The following NYAP2 variants were observed in gnomAD, a reference collection of about 807,000 sequenced individuals.
NYAP2 encodes neuronal tyrosine-phosphorylated phosphoinositide-3-kinase adaptor 2.
Under a neutral mutation model 50.4 loss-of-function variants are expected in NYAP2, and 23 were observed. That is an observed-to-expected ratio of 0.46 (90% CI 0.33 to 0.65). The LOEUF is 0.65. Among genes scored for constraint, NYAP2 ranks in the 30% least tolerant of loss-of-function variants. NYAP2 has a pLI of 0.02. For missense variants in NYAP2, 885 were observed against 861.0 expected (o/e 1.03, Z -0.35); for synonymous variants, 394 against 365.2 (o/e 1.08, Z -0.90).
chr2:225,541,105 G>A (rs1691462007), intron 4 of NYAP2, among the ~76,000 whole-genome samples: 1 of 152,066 alleles, frequency 6.6e-6, no homozygotes, highest in South Asian at 2.1e-4. Flanking sequence ...ATAAATATCT[G>A]TTCAGATAGT....
intron 3 of NYAP2, among the ~76,000 whole-genome samples, chr2:225,510,703 C>T (rs1690795152): frequency 6.6e-6 from 1 of 152,046 alleles, no homozygotes; most frequent in Admixed American, 6.6e-5. Context: ...ACAGCCTGGT[C>T]AAACTAAACT....
chr2:225,605,753 C>G (rs1358616410), intron 5 of NYAP2, among the ~76,000 whole-genome samples: 3 of 151,932 alleles, frequency 2.0e-5, no homozygotes, highest in Non-Finnish European at 4.4e-5. Context: ...TGTTTTCTCC[C>G]AAATAATTCT....
intron 5 of NYAP2, among the ~76,000 whole-genome samples, chr2:225,616,029 GTGA>G (rs1317302596): frequency 6.6e-6 from 1 of 152,192 alleles, no homozygotes; most frequent in African/African-American, 2.4e-5. Flanking sequence ...GGCAAGTTGT[GTGA>G]AGGCTCTGTG....
At chr2:225,688,857 C>T in the NYAP2 span, among the ~76,000 whole-genome samples, 1 of 152,186 alleles carries the variant, frequency 6.6e-6, no homozygotes, top group Non-Finnish European at 1.5e-5. Context: ...ATTCTCCTGC[C>T]TCAGCCTCCC....
chr2:225,398,801 A>G (rs979910851), upstream of NYAP2, among the ~76,000 whole-genome samples: 1 of 152,094 alleles, frequency 6.6e-6, no homozygotes, highest in Non-Finnish European at 1.5e-5. Flanking sequence ...AGCTAGATAC[A>G]CAAAGACCAA....
intron 3 of NYAP2, among the ~76,000 whole-genome samples, chr2:225,433,703 G>T (rs1321635738): frequency 6.6e-6 from 1 of 151,462 alleles, no homozygotes; most frequent in Admixed American, 6.6e-5. Flanking sequence ...TGTAGTCCCA[G>T]CTACTCAGGA....
At chr2:225,575,576 A>G (rs1692156555) in intron 4 of NYAP2, among the ~76,000 whole-genome samples, 1 of 152,030 alleles carries the variant, frequency 6.6e-6, no homozygotes, top group Non-Finnish European at 1.5e-5. Context: ...TATTGATTCC[A>G]TTTCTTGGTT....
intron 3 of NYAP2, among the ~76,000 whole-genome samples, chr2:225,509,718 G>A (rs1690776023): frequency 6.6e-6 from 1 of 151,728 alleles, no homozygotes; most frequent in African/African-American, 2.4e-5. Flanking sequence ...ACTCTGTAGA[G>A]TCCAGAGTTA....
At chr2:225,476,074 A>G (rs1178998295) in intron 3 of NYAP2, among the ~76,000 whole-genome samples, 1 of 152,220 alleles carries the variant, frequency 6.6e-6, no homozygotes, top group African/African-American at 2.4e-5. Context: ...GTCTAAATGA[A>G]CTGACAAAAA....
At chr2:225,564,761 T>G (rs1465970331) in intron 4 of NYAP2, among the ~76,000 whole-genome samples, 3 of 152,174 alleles carry the variant, frequency 2.0e-5, no homozygotes, top group African/African-American at 7.2e-5. Context: ...TTCTCTATTT[T>G]TTTAACAATC....
intron 5 of NYAP2, among the ~76,000 whole-genome samples, chr2:225,611,049 T>C (rs2106247206): frequency 6.6e-6 from 1 of 152,322 alleles, no homozygotes; most frequent in South Asian, 2.1e-4. Flanking sequence ...TTCAGCAAGC[T>C]GGTTGAGTTT....
At chr2:225,661,992 G>A in the NYAP2 span, among the ~76,000 whole-genome samples, 7 of 152,124 alleles carry the variant, frequency 4.6e-5, no homozygotes, top group South Asian at 2.1e-4. Flanking sequence ...CCAAAGTGCT[G>A]GAATTACAGG....
chr2:225,426,761 C>A (rs1339113784), intron 3 of NYAP2, among the ~76,000 whole-genome samples: 1 of 152,134 alleles, frequency 6.6e-6, no homozygotes, highest in African/African-American at 2.4e-5. Flanking sequence ...TTCTGCCTGA[C>A]TATGAGTGAT....
intron 4 of NYAP2, among the ~76,000 whole-genome samples, chr2:225,517,746 T>A (rs1690961635): frequency 6.6e-6 from 1 of 152,102 alleles, no homozygotes; most frequent in Non-Finnish European, 1.5e-5. Flanking sequence ...GCACATATAT[T>A]AAAAACAAAG....
intron 3 of NYAP2, among the ~76,000 whole-genome samples, chr2:225,409,792 C>A (rs1695003834): frequency 6.6e-6 from 1 of 151,992 alleles, no homozygotes; most frequent in Non-Finnish European, 1.5e-5. Flanking sequence ...AAGAATGTTA[C>A]AATGTTTTCA....
At chr2:225,446,246 C>CTCTCTCTCTCTA (rs1239402824) in intron 3 of NYAP2, among the ~76,000 whole-genome samples, 5 of 82,270 alleles carry the variant, frequency 6.1e-5, no homozygotes, top group East Asian at 7.3e-4. Context: ...CTCTCTCTCT[C>CTCTCTCTCTCTA]TATATATATA....
At chr2:225,456,106 T>G (rs1689734318) in intron 3 of NYAP2, among the ~76,000 whole-genome samples, 1 of 152,222 alleles carries the variant, frequency 6.6e-6, no homozygotes, top group African/African-American at 2.4e-5. Context: ...AGTTCTCAGA[T>G]GAAAGACATT....
chr2:225,411,971 A>G (rs1025904286), intron 3 of NYAP2, among the ~76,000 whole-genome samples: 10 of 149,564 alleles, frequency 6.7e-5, no homozygotes, highest in African/African-American at 2.2e-4. Flanking sequence ...TTCTAAATAA[A>G]TAATTTACAA....
the NYAP2 span, among the ~76,000 whole-genome samples, chr2:225,689,298 G>T: frequency 1.3e-5 from 2 of 152,070 alleles, no homozygotes; most frequent in African/African-American, 4.8e-5. Context: ...TTATAATCAC[G>T]TAACTGTCTT....
Sources: allele counts gnomAD v4.1 joint callset (sites outside exome capture counted in the v4.1 genomes callset), GRCh38; gene constraint gnomAD v4.1.1; transcripts MANE v1.5; gene names NCBI Gene and HGNC (gene_info 2026-07-23, HGNC 2026-07-21).